The following ARHGAP22 variants were observed in gnomAD, a reference collection of about 807,000 sequenced individuals.
ARHGAP22 encodes the protein Rho GTPase activating protein 22.
ARHGAP22 carries 48 observed loss-of-function variants against 59.1 expected under a neutral mutation model. The ratio of observed to expected loss-of-function variants is 0.81; its 90% CI spans 0.64 to 1.03. ARHGAP22 has a LOEUF of 1.03. Among genes scored for constraint, ARHGAP22 ranks in the 50% least tolerant of loss-of-function variants. The pLI is 0.00. For synonymous variants in ARHGAP22, 445 were observed against 416.4 expected, an observed-to-expected ratio of 1.07 and a Z score of -0.84; for missense variants, 1,015 against 958.7, an observed-to-expected ratio of 1.06 and a Z score of -0.78.
At chr10:48,560,620 T>A (rs1024721094) in intron 2 of ARHGAP22, among the ~76,000 whole-genome samples, 4 of 152,150 alleles carry the variant, frequency 2.6e-5, no homozygotes, top group Non-Finnish European at 4.4e-5. Flanking sequence ...CCATAAAGTA[T>A]GATATTAGCT....
At chr10:48,571,343 C>T (rs533111736) in intron 2 of ARHGAP22, among the ~76,000 whole-genome samples, 1 of 152,300 alleles carries the variant, frequency 6.6e-6, no homozygotes, top group Admixed American at 6.5e-5. Context: ...TATACTGCCC[C>T]TTAGCAAGAT....
intron 3 of ARHGAP22, among the ~76,000 whole-genome samples, chr10:48,547,637 A>G (rs1285555303): frequency 6.6e-6 from 1 of 152,212 alleles, no homozygotes; most frequent in African/African-American, 2.4e-5. Context: ...TCTGCACCAG[A>G]AAACAGAGCA....
chr10:48,558,108 A>T (rs1452552612), intron 2 of ARHGAP22, among the ~76,000 whole-genome samples: 4 of 152,138 alleles, frequency 2.6e-5, no homozygotes, highest in African/African-American at 9.7e-5. Context: ...TCAGTGATAT[A>T]AATGCCCTCC....
chr10:48,486,264 A>T (rs1027910807), intron 3 of ARHGAP22, among the ~76,000 whole-genome samples: 24 of 151,890 alleles, frequency 1.6e-4, no homozygotes, highest in African/African-American at 5.6e-4. Flanking sequence ...TGCAATGTTT[A>T]TCTTACCTTT....
chr10:48,499,252 G>C (rs1469465944), intron 3 of ARHGAP22, among the ~76,000 whole-genome samples: 3 of 152,224 alleles, frequency 2.0e-5, no homozygotes, highest in African/African-American at 7.2e-5. Context: ...TCCTGCAGCT[G>C]GAAGCAGGAT....
chr10:48,531,587 C>T (rs1417344298), intron 3 of ARHGAP22, among the ~76,000 whole-genome samples: 3 of 152,152 alleles, frequency 2.0e-5, no homozygotes, highest in South Asian at 4.1e-4. Flanking sequence ...GACATGTGCA[C>T]GTTCACTTAG....
rs532298316 is a variant in ARHGAP22, at chr10:48,639,439, A to C, written c.52+12795T>G. 9.8e-5 allele frequency among the ~76,000 whole-genome samples: 15 copies of C among 152,380 alleles called. No individual in the cohort carries two copies. In the South Asian group the frequency reaches 2.9e-3, roughly 29 times the overall value. ...TCCAACAGAAAGTAAAAGCCAAGGC[A>C]GTCTTGAAAACAACCTGAACTTTGA... On this transcript the variant is annotated intron_variant, in intron 1 of 9. Transcript: ENST00000435790.
intron 1 of ARHGAP22, among the ~76,000 whole-genome samples, chr10:48,613,382 A>G (rs906841275): frequency 1.3e-5 from 2 of 152,216 alleles, no homozygotes; most frequent in Non-Finnish European, 2.9e-5. Flanking sequence ...GGAAGATGGT[A>G]CGTTTGAAGA....
At chr10:48,636,536 C>T (rs1448957797) in intron 1 of ARHGAP22, among the ~76,000 whole-genome samples, 2 of 152,214 alleles carry the variant, frequency 1.3e-5, no homozygotes, top group East Asian at 3.8e-4. Context: ...CATCGGGGTC[C>T]TCCTGTTTCT....
intron 4 of ARHGAP22, among the ~76,000 whole-genome samples, chr10:48,464,347 T>C (rs1218881810): frequency 2.6e-5 from 4 of 152,130 alleles, no homozygotes; most frequent in Non-Finnish European, 5.9e-5. Flanking sequence ...GCACAACCAC[T>C]ACCCTTCTGC....
intron 5 of ARHGAP22, 124 bp from the exon 6 acceptor site, chr10:48,455,258 G>A (rs1477440550): frequency 3.4e-6 from 4 of 1,181,146 alleles, no homozygotes; most frequent in Non-Finnish European, 3.4e-6. Flanking sequence ...CGCACTGGGG[G>A]CTGCATCTGC....
intron 4 of ARHGAP22, among the ~76,000 whole-genome samples, chr10:48,475,024 TTC>T (rs1312177443): frequency 5.9e-5 from 9 of 152,250 alleles, no homozygotes; most frequent in Non-Finnish European, 1.2e-4. Context: ...CTGTCCCCAT[TTC>T]TCTCTTTCCC....
Position 48,501,492 on chromosome 10 carries a change from A to AC in ARHGAP22, c.323-21729dup, listed in dbSNP as rs1424254585. ...GGAGGGGTTGCAGCTGAAGGCATAC[A>AC]CCTGATGGGGATGGTGAGGAAAGTG... On this transcript the variant is annotated intron_variant, in intron 3 of 9. Coordinates refer to ENST00000249601, the MANE Select transcript of ARHGAP22 (RefSeq NM_021226.4). Among the ~76,000 whole-genome samples the AC allele has an allele frequency of 2.6e-5, 4 of 152,324 alleles. No individual in the cohort carries two copies. In the East Asian group the frequency reaches 7.7e-4, roughly 29 times the overall value.
At chr10:48,619,943 A>T (rs2061226023) in intron 1 of ARHGAP22, among the ~76,000 whole-genome samples, 1 of 152,210 alleles carries the variant, frequency 6.6e-6, no homozygotes, top group African/African-American at 2.4e-5. Flanking sequence ...TTTGCAAACT[A>T]TGTATCTGAC....
intron 3 of ARHGAP22, among the ~76,000 whole-genome samples, chr10:48,539,533 C>T (rs1298058138): frequency 2.6e-5 from 4 of 151,792 alleles, no homozygotes; most frequent in African/African-American, 4.8e-5. Flanking sequence ...CCTCGTGATC[C>T]GCCCGCCTCG....
At chr10:48,605,200 G>T, upstream of ARHGAP22, 1 of 1,057,448 alleles carries the variant, frequency 9.5e-7, no homozygotes, top group Non-Finnish European at 1.2e-6. Flanking sequence ...GTCCTGGCCC[G>T]GGAGAGGGTA....
At position 48,451,362 on chromosome 10, in the gene ARHGAP22, A is replaced by G. The variant is rs755467681; in HGVS notation, c.989-222T>C. ...CCGCAGAACCGCCTTCCTCAGGCAC[A>G]GAGCCGCAAGCAGGGAGGAAGCACT... On this transcript the variant is annotated intron_variant, in intron 8 of 9. Transcript: ENST00000249601. 3 of 730,706 alleles carry G rather than the reference A, an allele frequency of 4.1e-6. No homozygotes were observed. The South Asian group carries it at 4.4e-5, about 11-fold the overall frequency. 45.3% of individuals were successfully genotyped at this position (730,706 alleles called of 1,614,324 possible).
At chr10:48,446,023 T>C (rs571479949), downstream of ARHGAP22, 11 of 291,938 alleles carry the variant, frequency 3.8e-5, no homozygotes, top group Middle Eastern at 1.1e-3. Flanking sequence ...ATGAGCCAGG[T>C]AACAAGGCAC....
At chr10:48,634,778 A>G (rs1355098085) in intron 1 of ARHGAP22, among the ~76,000 whole-genome samples, 1 of 152,102 alleles carries the variant, frequency 6.6e-6, no homozygotes, top group Non-Finnish European at 1.5e-5. Flanking sequence ...AAGTGGCTGT[A>G]TTTGGAGATA....
Sources: allele counts gnomAD v4.1 joint callset (sites outside exome capture counted in the v4.1 genomes callset), GRCh38; gene constraint gnomAD v4.1.1; transcripts MANE v1.5; gene names NCBI Gene and HGNC (gene_info 2026-07-23, HGNC 2026-07-21).